CELF2: variants seen among roughly 807,000 people sequenced by gnomAD.
The protein encoded by CELF2 is CUGBP Elav-like family member 2.
In CELF2, 8 loss-of-function variants were observed where a neutral mutation model predicts 62.6. The ratio of observed to expected loss-of-function variants is 0.13; its 90% confidence interval spans 0.07 to 0.23. CELF2 has a LOEUF of 0.23. Among genes scored for constraint, CELF2 ranks in the 10% least tolerant of loss-of-function variants. CELF2 has a pLI of 1.00. For missense variants in CELF2, 333 were observed against 671.0 expected, an observed-to-expected ratio of 0.50 and a Z score of 5.56; for synonymous variants, 258 against 250.0, an observed-to-expected ratio of 1.03 and a Z score of -0.30.
chr10:10,908,214 A>ATTTT (rs796857171), intron 1 of CELF2, among the ~76,000 whole-genome samples: 2,894 of 83,576 alleles, frequency 0.035, 454 homozygotes, highest in African/African-American at 0.11. Context: ...GTATGAGGGG[A>ATTTT]TTTTTTTTTT....
the CELF2 span, among the ~76,000 whole-genome samples, chr10:10,687,782 C>T: frequency 1.3e-5 from 2 of 152,216 alleles, no homozygotes; most frequent in African/African-American, 2.4e-5. Context: ...GCAACATTTA[C>T]ATAATTTCTA....
intron 1 of CELF2, among the ~76,000 whole-genome samples, chr10:10,822,400 C>T (rs2057041763): frequency 6.6e-6 from 1 of 152,212 alleles, no homozygotes; most frequent in Admixed American, 6.5e-5. Context: ...AGAGGAGTTA[C>T]ATAAACAGTG....
intron 1 of CELF2, among the ~76,000 whole-genome samples, chr10:10,851,128 T>C (rs944799010): frequency 3.3e-5 from 5 of 152,186 alleles, no homozygotes; most frequent in African/African-American, 1.2e-4. Context: ...ATAGGTATTT[T>C]GTAAGTTGTC....
chr10:10,757,193 C>G, the CELF2 span, among the ~76,000 whole-genome samples: 1 of 152,098 alleles, frequency 6.6e-6, no homozygotes, highest in African/African-American at 2.4e-5. Flanking sequence ...TGCAATGGCT[C>G]ACACCTGTAA....
intron 1 of CELF2, among the ~76,000 whole-genome samples, chr10:11,162,554 A>G (rs1375483062): frequency 2.0e-5 from 3 of 151,466 alleles, no homozygotes; most frequent in African/African-American, 7.3e-5. Flanking sequence ...GTGGAGATGG[A>G]GACACACTAT....
At chr10:10,520,349 C>T in the CELF2 span, among the ~76,000 whole-genome samples, 1 of 152,086 alleles carries the variant, frequency 6.6e-6, no homozygotes, top group African/African-American at 2.4e-5. Flanking sequence ...AAGATGACAC[C>T]ATGGCAAGCT....
At chr10:10,734,829 G>T in the CELF2 span, among the ~76,000 whole-genome samples, 4 of 152,154 alleles carry the variant, frequency 2.6e-5, no homozygotes, top group Non-Finnish European at 5.9e-5. Flanking sequence ...AGCACTGAAA[G>T]TCCGGCATCC....
At chr10:10,777,488 C>T in the CELF2 span, among the ~76,000 whole-genome samples, 1 of 152,190 alleles carries the variant, frequency 6.6e-6, no homozygotes, top group Non-Finnish European at 1.5e-5. Context: ...CCTCAACATC[C>T]CATCAGCCAC....
At chr10:11,225,992 A>T (rs754436240) in intron 3 of CELF2, among the ~76,000 whole-genome samples, 51 of 152,316 alleles carry the variant, frequency 3.3e-4, no homozygotes, top group Middle Eastern at 6.8e-3. Context: ...TGGAATTAGA[A>T]GTCGTCATTT....
intron 8 of CELF2, among the ~76,000 whole-genome samples, chr10:11,282,724 G>A (rs781555123): frequency 2.6e-5 from 4 of 152,164 alleles, no homozygotes; most frequent in Non-Finnish European, 4.4e-5. Context: ...AACAGGTAAC[G>A]AGCTTGCTCC....
At chr10:10,986,081 A>C (rs941605973) in intron 2 of CELF2, among the ~76,000 whole-genome samples, 17 of 152,226 alleles carry the variant, frequency 1.1e-4, no homozygotes, top group Non-Finnish European at 2.5e-4. Flanking sequence ...GCAACTTCTG[A>C]AAATTCCATA....
rs1421352260 is a variant in CELF2, at chr10:11,227,915, G to A, written c.354+10408G>A. On this transcript the variant is annotated intron_variant, in intron 3 of 12. Transcript: ENST00000633077. This position sits in a 1 kb window ranked among gnomAD's most constrained non-coding sequence, Gnocchi z 4.8. ...TTTAATCTGTGACATTCCACACTTT[G>A]TGTACTCACCAGCACATACACGGTA... 6.6e-6 allele frequency among the ~76,000 whole-genome samples: 1 copy of A among 152,172 alleles called. No individual in the cohort carries two copies. Among genetic ancestry groups the A allele is most frequent in the Non-Finnish European group, 1.5e-5 (1 of 68,032 alleles).
chr10:10,674,467 A>T, the CELF2 span, among the ~76,000 whole-genome samples: 1 of 152,200 alleles, frequency 6.6e-6, no homozygotes, highest in Non-Finnish European at 1.5e-5. Flanking sequence ...TGTTTGATCC[A>T]CTATAACAGT....
intron 1 of CELF2, among the ~76,000 whole-genome samples, chr10:10,870,007 C>T (rs574776536): frequency 1.3e-5 from 2 of 152,230 alleles, no homozygotes; most frequent in East Asian, 1.9e-4. Flanking sequence ...TTACCTATAT[C>T]TTATATTATG....
intron 1 of CELF2, among the ~76,000 whole-genome samples, chr10:10,865,362 A>G (rs2060288904): frequency 6.6e-6 from 1 of 152,208 alleles, no homozygotes; most frequent in Non-Finnish European, 1.5e-5. Context: ...TTTCAACACT[A>G]GTTATTACAT....
chr10:10,604,355 A>G, the CELF2 span, among the ~76,000 whole-genome samples: 1 of 152,228 alleles, frequency 6.6e-6, no homozygotes, highest in Admixed American at 6.5e-5. Context: ...GATATCCACA[A>G]AGGATTGACC....
intron 1 of CELF2, among the ~76,000 whole-genome samples, chr10:11,142,168 AGAATT>A (rs1299185848): frequency 1.3e-5 from 2 of 152,236 alleles, no homozygotes; most frequent in Non-Finnish European, 2.9e-5. Flanking sequence ...CGTTTAGAGA[AGAATT>A]GATCACTGTA....
chr10:10,726,530 C>G, the CELF2 span, among the ~76,000 whole-genome samples: 1 of 152,182 alleles, frequency 6.6e-6, no homozygotes, highest in African/African-American at 2.4e-5. Context: ...TTTCTCTCTC[C>G]CGCTTTTAGA....
At chr10:10,731,134 T>G in the CELF2 span, among the ~76,000 whole-genome samples, 1 of 152,128 alleles carries the variant, frequency 6.6e-6, no homozygotes, top group Non-Finnish European at 1.5e-5. Flanking sequence ...AGAGGCAAGT[T>G]TGATTGAACA....
Sources: gnomAD v4.1 joint callset for allele counts (sites outside exome capture counted in the v4.1 genomes callset) on GRCh38, gnomAD v4.1.1 for gene constraint, Gnocchi (gnomAD v3.1) non-coding constraint, MANE v1.5 for transcripts, NCBI Gene and HGNC (gene_info 2026-07-23, HGNC 2026-07-21) for gene names.